The following DACH2 variants were observed in gnomAD, a reference collection of about 807,000 sequenced individuals.
The protein encoded by DACH2 is dachshund family transcription factor 2.
In DACH2, 17 loss-of-function variants were observed where a neutral mutation model predicts 35.8. That is an observed-to-expected ratio of 0.48 (90% CI 0.33 to 0.71). DACH2 has a LOEUF of 0.71. Among genes scored for constraint, DACH2 ranks in the 30% least tolerant of loss-of-function variants. The pLI, the probability that DACH2 is intolerant of heterozygous loss-of-function variation, is 0.02. For synonymous variants in DACH2, 195 were observed against 177.3 expected (o/e 1.10, Z -0.79); for missense variants, 469 against 472.7 (o/e 0.99, Z 0.07).
At chrX:86,530,511 C>A (rs2038703955) in intron 3 of DACH2, among the ~76,000 whole-genome samples, 1 of 111,551 alleles carries the variant, frequency 9.0e-6, no homozygotes, top group South Asian at 3.8e-4. Context: ...CTCTCTCTTT[C>A]TCTCCTGCCA....
chrX:86,761,646 C>A (rs958957156), intron 7 of DACH2, among the ~76,000 whole-genome samples: 1 of 111,682 alleles, frequency 9.0e-6, no homozygotes, highest in Non-Finnish European at 1.9e-5. Flanking sequence ...TGGAACCAAC[C>A]CAAGTGCCCA....
intron 1 of DACH2, among the ~76,000 whole-genome samples, chrX:86,171,182 G>A (rs772251302): frequency 9.2e-6 from 1 of 109,276 alleles, no homozygotes; most frequent in Non-Finnish European, 1.9e-5. Flanking sequence ...TCCTGCTGTA[G>A]CTGAGCTGGT....
At chrX:86,328,803 C>T (rs2035161326) in intron 1 of DACH2, among the ~76,000 whole-genome samples, 1 of 111,370 alleles carries the variant, frequency 9.0e-6, no homozygotes, top group South Asian at 3.8e-4. Context: ...TCCCTTCTTG[C>T]TTTTTAGGAC....
intron 3 of DACH2, among the ~76,000 whole-genome samples, chrX:86,546,980 C>G (rs1477279675): frequency 9.0e-6 from 1 of 111,410 alleles, no homozygotes; most frequent in Non-Finnish European, 1.9e-5. Flanking sequence ...CCTGTCCTCC[C>G]TTGCCCTGGT....
chrX:86,577,571 G>A (rs2039451246), intron 3 of DACH2, among the ~76,000 whole-genome samples: 1 of 111,470 alleles, frequency 9.0e-6, no homozygotes. Flanking sequence ...TATTTGTTTG[G>A]TCTTTAATGA....
chrX:86,418,707 C>T (rs371528451), intron 2 of DACH2, among the ~76,000 whole-genome samples: 5 of 111,363 alleles, frequency 4.5e-5, no homozygotes, highest in African/African-American at 1.6e-4. Context: ...AAACCTCTGA[C>T]ATGCCCTGGA....
chrX:86,374,921 A>T, intron 1 of DACH2, among the ~76,000 whole-genome samples: 1 of 110,418 alleles, frequency 9.1e-6, no homozygotes, highest in East Asian at 2.9e-4. Flanking sequence ...TATTTGGCAA[A>T]GTATAAGGAA....
At chrX:86,297,909 C>T (rs1404760282) in intron 1 of DACH2, among the ~76,000 whole-genome samples, 1 of 111,638 alleles carries the variant, frequency 9.0e-6, no homozygotes, top group Non-Finnish European at 1.9e-5. Flanking sequence ...AACAAGGAAG[C>T]AGGTTCAGGG....
At chrX:86,750,620 C>T (rs1007754657) in intron 7 of DACH2, among the ~76,000 whole-genome samples, 11 of 110,981 alleles carry the variant, frequency 9.9e-5, no homozygotes, top group South Asian at 3.8e-4. Flanking sequence ...CTCCTGGCGA[C>T]GACTATTCAC....
chrX:86,358,429 C>T (rs975899083), intron 1 of DACH2, among the ~76,000 whole-genome samples: 8 of 76,370 alleles, frequency 1.0e-4, no homozygotes, highest in Admixed American at 1.8e-4. Context: ...ATCCCAGCCC[C>T]GCCACACACA....
intron 1 of DACH2, chrX:86,345,426 TAGAA>T (rs1411931820): frequency 1.7e-5 from 5 of 285,858 alleles, no homozygotes; most frequent in Admixed American, 1.1e-4. Context: ...GGAAAAAAAA[TAGAA>T]GGAAGAGGAA....
chrX:86,151,553 A>T (rs1463687700), intron 1 of DACH2, among the ~76,000 whole-genome samples: 1 of 111,382 alleles, frequency 9.0e-6, no homozygotes, highest in Non-Finnish European at 1.9e-5. Context: ...ATAGAAGACA[A>T]CCACAATTTC....
At chrX:86,493,407 C>T (rs532893754) in intron 2 of DACH2, among the ~76,000 whole-genome samples, 3 of 111,278 alleles carry the variant, frequency 2.7e-5, no homozygotes, top group Middle Eastern at 4.6e-3. Context: ...TACTATATCA[C>T]GGTGAAAGCA....
In DACH2 at chrX:86,529,478, T is replaced by A. The variant is rs1327214937; in HGVS notation, c.640+15087T>A. Among the ~76,000 whole-genome samples the A allele has an allele frequency of 3.1e-4, 13 of 41,531 alleles. No homozygotes were observed. The East Asian group carries it at 0.011, about 35-fold the overall frequency. The allele number at this position is 41,531 out of a possible 115,157, so 36.1% of individuals were successfully genotyped here. On this transcript the variant is annotated intron_variant, in intron 3 of 11. Coordinates refer to ENST00000373125, the MANE Select transcript of DACH2 (RefSeq NM_053281.3). ...CACTCTACCCCCATGTGATCAACATTTTTTTTTTTTTTTGAGATGGAGTCT... is the reference window on the plus strand; with the variant it reads ...CACTCTACCCCCATGTGATCAACATATTTTTTTTTTTTTGAGATGGAGTCT...
intron 2 of DACH2, among the ~76,000 whole-genome samples, chrX:86,479,399 C>T (rs2037901585): frequency 1.8e-5 from 2 of 111,026 alleles, no homozygotes; most frequent in African/African-American, 6.6e-5. Context: ...TTCTACCCAG[C>T]ACTTCCCTGC....
chrX:86,184,747 C>T (rs1162309177), intron 1 of DACH2, among the ~76,000 whole-genome samples: 3 of 111,835 alleles, frequency 2.7e-5, no homozygotes, highest in Non-Finnish European at 3.8e-5. Flanking sequence ...GATTCAGTTA[C>T]ACCATCGAGT....
chrX:86,526,626 G>T (rs1222104637), intron 3 of DACH2, among the ~76,000 whole-genome samples: 1 of 110,794 alleles, frequency 9.0e-6, no homozygotes, highest in Non-Finnish European at 1.9e-5. Context: ...CAAACGTAGA[G>T]CTTAAAAATG....
intron 3 of DACH2, among the ~76,000 whole-genome samples, chrX:86,602,712 TA>T (rs2039804894): frequency 8.9e-6 from 1 of 112,021 alleles, no homozygotes; most frequent in South Asian, 3.6e-4. Context: ...TGAGTTTAAC[TA>T]TTTCACATAC....
At chrX:86,799,851 C>T (rs1374937929) in intron 7 of DACH2, among the ~76,000 whole-genome samples, 1 of 111,602 alleles carries the variant, frequency 9.0e-6, no homozygotes, top group Non-Finnish European at 1.9e-5. Flanking sequence ...AGCATAGCTT[C>T]AGATGTAGCT....
Sources: gnomAD v4.1 joint callset for allele counts (sites outside exome capture counted in the v4.1 genomes callset) on GRCh38, gnomAD v4.1.1 for gene constraint, MANE v1.5 for transcripts, NCBI Gene and HGNC (gene_info 2026-07-23, HGNC 2026-07-21) for gene names.